ARHGEF9: variants seen among roughly 807,000 people sequenced by gnomAD.
The protein encoded by ARHGEF9 is rho guanine nucleotide exchange factor 9.
Under a neutral mutation model 41.3 loss-of-function variants are expected in ARHGEF9, and 2 were observed. That is an observed-to-expected ratio of 0.05 (90% CI 0.02 to 0.15). The LOEUF (loss-of-function observed/expected upper bound fraction) is 0.15. Ranked by LOEUF, ARHGEF9 falls within the 10% of genes least tolerant of loss-of-function variation. The pLI is 1.00. For synonymous variants in ARHGEF9, 160 were observed against 154.4 expected (o/e 1.04, Z -0.27); for missense variants, 225 against 424.7 (o/e 0.53, Z 4.13).
chrX:63,650,444 T>C (rs1237997305), intron 8 of ARHGEF9, among the ~76,000 whole-genome samples: 2 of 111,232 alleles, frequency 1.8e-5, no homozygotes, highest in Non-Finnish European at 3.8e-5. Flanking sequence ...ACATGGGAGC[T>C]GAAAGGTGGA....
At chrX:63,762,569 G>A (rs1379758341) in intron 1 of ARHGEF9, among the ~76,000 whole-genome samples, 1 of 110,926 alleles carries the variant, frequency 9.0e-6, no homozygotes, top group Admixed American at 9.6e-5. Context: ...TAAATAGATG[G>A]GGGCTTATAG....
chrX:63,692,814 C>T (rs1218980344), intron 4 of ARHGEF9, among the ~76,000 whole-genome samples: 1 of 112,000 alleles, frequency 8.9e-6, no homozygotes, highest in Non-Finnish European at 1.9e-5. Flanking sequence ...AACCTAAGTG[C>T]CCACTGATGG....
Position 63,673,910 on chromosome X carries a change from T to C in ARHGEF9, c.945+128A>G, listed in dbSNP as rs1556358665. On this transcript the variant is annotated intron_variant, in intron 6 of 9. Transcript: ENST00000671741. ...CTTCTCATTAGCAAGAAATTTTACC[T>C]TGAGTCTAATCTAAATCCTTACTGT... 3 of 884,059 alleles carry C rather than the reference T, an allele frequency of 3.4e-6. No homozygotes were observed. In the African/African-American group the frequency reaches 6.0e-5, roughly 18 times the overall value. 72.9% of individuals were successfully genotyped at this position (884,059 alleles called of 1,213,427 possible).
chrX:63,766,979 A>G, intron 1 of ARHGEF9: 1 of 603,396 alleles, frequency 1.7e-6, no homozygotes, highest in East Asian at 3.6e-5. Context: ...CAGATGATTA[A>G]AAACTTCAGT....
intron 1 of ARHGEF9, among the ~76,000 whole-genome samples, chrX:63,776,151 G>A (rs1313546450): frequency 1.8e-5 from 2 of 111,058 alleles, no homozygotes; most frequent in African/African-American, 6.6e-5. Context: ...ACAATCCAAT[G>A]TATAAAGCAA....
At position 63,761,216 on chromosome X, in the gene ARHGEF9, C is replaced by T. The variant is rs1344631399; in HGVS notation, c.30+23900G>A. 6.3e-5 allele frequency among the ~76,000 whole-genome samples: 7 copies of T among 111,617 alleles called. 1 individual carries two copies. Among genetic ancestry groups the T allele is most frequent in the South Asian group, 7.6e-4 (2 of 2,647 alleles). ...AATCTACCACTAAAAATAAGTCAGCCGTTTGAGCTTTTGGGGAGACAAGAG... is the reference window on the plus strand; with the variant it reads ...AATCTACCACTAAAAATAAGTCAGCTGTTTGAGCTTTTGGGGAGACAAGAG... On this transcript the variant is annotated intron_variant, in intron 1 of 9. Coordinates refer to ENST00000671741, the MANE Select transcript of ARHGEF9 (RefSeq NM_001353921.2).
At chrX:63,737,100 G>A (rs1222664891) in intron 1 of ARHGEF9, 1 of 111,541 alleles carries the variant, frequency 9.0e-6, no homozygotes, top group African/African-American at 3.3e-5. Flanking sequence ...CCTGCTCAGG[G>A]TCCCAAACAG....
rs1228115174 is a variant in ARHGEF9, at chrX:63,637,375, A to G, written c.*653T>C. On this transcript the variant is annotated 3_prime_UTR_variant, in exon 10 of 10. Coordinates refer to ENST00000671741, the MANE Select transcript of ARHGEF9 (RefSeq NM_001353921.2). ...TCACAGGGCACAACAGAGCATGTCC[A>G]GACTGGCATGACTGAGGACAGAGGA... 5.1e-5 allele frequency: 15 copies of G among 294,349 alleles called. No individual in the cohort carries two copies. Among genetic ancestry groups the G allele is most frequent in the Non-Finnish European group, 7.7e-5 (13 of 169,667 alleles). The allele number at this position is 294,349 out of a possible 1,213,427, so 24.3% of individuals were successfully genotyped here. A position where few individuals can be genotyped will look rare whatever the true frequency, so the allele number is the denominator to read the frequency against.
At chrX:63,670,193 C>T (rs147412766) in intron 6 of ARHGEF9, 1 of 111,630 alleles carries the variant, frequency 9.0e-6, no homozygotes, top group Non-Finnish European at 1.9e-5. Flanking sequence ...AAGGGGAATG[C>T]CATACTTTTT....
intron 8 of ARHGEF9, among the ~76,000 whole-genome samples, chrX:63,644,436 T>C (rs1352018769): frequency 1.8e-5 from 2 of 111,132 alleles, no homozygotes; most frequent in Non-Finnish European, 3.8e-5. Flanking sequence ...AGCAAATGTA[T>C]ATATAGATTA....
chrX:63,679,412 T>A (rs782820431), intron 4 of ARHGEF9, among the ~76,000 whole-genome samples: 1 of 111,480 alleles, frequency 9.0e-6, no homozygotes, highest in Non-Finnish European at 1.9e-5. Flanking sequence ...ACCTGATACA[T>A]TAGAATAGAA....
chrX:63,767,818 A>G (rs1454902441), intron 1 of ARHGEF9, among the ~76,000 whole-genome samples: 2 of 112,166 alleles, frequency 1.8e-5, no homozygotes, highest in African/African-American at 3.2e-5. Flanking sequence ...GAGAAGAGTA[A>G]TGACCAAATA....
intron 4 of ARHGEF9, among the ~76,000 whole-genome samples, chrX:63,680,182 AAAC>A (rs1226208049): frequency 1.8e-5 from 2 of 112,642 alleles, no homozygotes; most frequent in African/African-American, 6.4e-5. Context: ...TTTCTTCAGC[AAAC>A]AACAACAATT....
chrX:63,668,251 A>T (rs1243521021), intron 6 of ARHGEF9, among the ~76,000 whole-genome samples: 1 of 110,301 alleles, frequency 9.1e-6, no homozygotes, highest in Admixed American at 9.7e-5. Flanking sequence ...CTTGTGTCTC[A>T]GCCTCCCAAG....
Position 63,693,005 on chromosome X carries a change from C to G in ARHGEF9, c.582+4120G>C, listed in dbSNP as rs2051459039. ...TCACTCATATGTGAGTAGGGGCTAT[C>G]AAAGTTGATCTCATGGAGGTGGAGA... On this transcript the variant is annotated intron_variant, in intron 4 of 9. Coordinates refer to ENST00000671741, the MANE Select transcript of ARHGEF9 (RefSeq NM_001353921.2). Among the ~76,000 whole-genome samples, 3 of 111,403 alleles carry G rather than the reference C, an allele frequency of 2.7e-5. No individual in the cohort carries two copies. In the Admixed American group the frequency reaches 2.9e-4, roughly 11 times the overall value.
chrX:63,768,059 T>C, intron 1 of ARHGEF9, among the ~76,000 whole-genome samples: 1 of 111,899 alleles, frequency 8.9e-6, no homozygotes, highest in Non-Finnish European at 1.9e-5. Flanking sequence ...AGTGGTGAAG[T>C]CAGATTTTAG....
intron 1 of ARHGEF9, among the ~76,000 whole-genome samples, chrX:63,776,620 T>C (rs2056297028): frequency 8.9e-6 from 1 of 111,785 alleles, no homozygotes; most frequent in Non-Finnish European, 1.9e-5. Flanking sequence ...ATCCCCAAGG[T>C]CATCCAACTT....
intron 1 of ARHGEF9, among the ~76,000 whole-genome samples, chrX:63,782,017 A>G (rs1184187944): frequency 1.8e-5 from 2 of 111,810 alleles, no homozygotes; most frequent in Non-Finnish European, 3.8e-5. Flanking sequence ...TGGATCTAAT[A>G]TACCATCCAA....
chrX:63,755,065 GC>G (rs1156466218), intron 1 of ARHGEF9: 1 of 937,225 alleles, frequency 1.1e-6, no homozygotes, highest in Non-Finnish European at 1.3e-6. Context: ...TGGGCTCCCG[GC>G]TGCCAGACAC....
Sources: gnomAD v4.1 joint callset for allele counts (sites outside exome capture counted in the v4.1 genomes callset) on GRCh38, gnomAD v4.1.1 for gene constraint, MANE v1.5 for transcripts, NCBI Gene and HGNC (gene_info 2026-07-23, HGNC 2026-07-21) for gene names.